PLP1: variants seen among roughly 807,000 people sequenced by gnomAD.
PLP1 encodes proteolipid protein 1.
A neutral mutation model predicts 18.5 loss-of-function variants in PLP1; 2 were observed. The observed-to-expected ratio is 0.11, with a 90% CI of 0.04 to 0.34. The LOEUF (loss-of-function observed/expected upper bound fraction) is 0.34. Ranked by LOEUF, PLP1 falls within the 10% of genes least tolerant of loss-of-function variation. The pLI, the probability that PLP1 is intolerant of heterozygous loss-of-function variation, is 1.00. For missense variants in PLP1, 105 were observed against 207.3 expected, an observed-to-expected ratio of 0.51 and a Z score of 3.03; for synonymous variants, 86 against 83.2, an observed-to-expected ratio of 1.03 and a Z score of -0.19.
In PLP1 at chrX:103,790,582, G is replaced by A; in HGVS notation, c.818G>A (p.Arg273Gln). 2 of 1,203,766 alleles carry A rather than the reference G, an allele frequency of 1.7e-6. No homozygotes were observed. The highest frequency in any genetic ancestry group is 2.3e-6 in the Non-Finnish European group (2 of 888,513). The change falls in exon 7 of 7, where the codon CGA becomes CAA. Residue 273 changes from arginine to glutamine, a missense_variant. By Grantham distance (43) the Arg-to-Gln change is conservative. Coordinates refer to ENST00000621218, the MANE Select transcript of PLP1 (RefSeq NM_000533.5). ...TTTGCCGTCCTTAAACTCATGGGCC[G>A]AGGCACCAAGTTCTGATCCCCCGTA... ...YNFAVLKLMG[R>Q]GTKF
intron 1 of PLP1, among the ~76,000 whole-genome samples, chrX:103,777,279 C>T (rs1289021870): frequency 9.0e-6 from 1 of 111,318 alleles, no homozygotes; most frequent in East Asian, 2.8e-4. Flanking sequence ...CCTCCTACCC[C>T]CTCACTTCCC....
intron 1 of PLP1, among the ~76,000 whole-genome samples, chrX:103,778,552 T>C (rs1215413859): frequency 3.6e-5 from 4 of 110,933 alleles, no homozygotes; most frequent in African/African-American, 1.3e-4. Context: ...CCTCAGGGGA[T>C]GAAATCCCTG....
intron 5 of PLP1, chrX:103,788,785 C>CA: frequency 2.7e-6 from 1 of 364,054 alleles, no homozygotes; most frequent in Non-Finnish European, 4.8e-6. Context: ...AGCCTAATGG[C>CA]AAAATCCCCC....
At chrX:103,776,565 T>C, upstream of PLP1, 1 of 152,452 alleles carries the variant, frequency 6.6e-6, no homozygotes, top group East Asian at 1.7e-4. Flanking sequence ...CAAGGATCAG[T>C]TGGAAGTTTC....
chrX:103,789,213 G>T, intron 5 of PLP1, 120 bp from the exon 6 acceptor site: 1 of 600,246 alleles, frequency 1.7e-6, no homozygotes, highest in Non-Finnish European at 2.9e-6. Context: ...CTTAGTTAGA[G>T]ATGTGGAATT....
chrX:103,785,068 T>A (rs755960945), intron 1 of PLP1, among the ~76,000 whole-genome samples: 4 of 111,685 alleles, frequency 3.6e-5, no homozygotes, highest in Non-Finnish European at 7.5e-5. Flanking sequence ...AGGATTTATT[T>A]TCTTTCTTTC....
intron 1 of PLP1, chrX:103,780,253 A>G (rs1408973551): frequency 1.8e-5 from 2 of 112,413 alleles, no homozygotes; most frequent in Non-Finnish European, 3.8e-5. Context: ...ATGGTGGGAG[A>G]CTGACCTGAG....
chrX:103,779,439 A>G (rs1170001676), intron 1 of PLP1, among the ~76,000 whole-genome samples: 1 of 112,035 alleles, frequency 8.9e-6, no homozygotes, highest in Non-Finnish European at 1.9e-5. Flanking sequence ...ACTGAGTCCC[A>G]TCAAAATGGC....
upstream of PLP1, chrX:103,776,515 C>G (rs2074412470): frequency 8.5e-6 from 1 of 118,102 alleles, no homozygotes; most frequent in Non-Finnish European, 1.7e-5. Flanking sequence ...CACTTCATGG[C>G]TTCTCACGCT....
chrX:103,789,498 A>G, intron 6 of PLP1, 100 bp downstream of exon 6: 1 of 670,259 alleles, frequency 1.5e-6, no homozygotes. Flanking sequence ...CCATCCTTGA[A>G]ATGCTGGAGG....
rs1418124682 is a variant in PLP1, at chrX:103,791,107, C to T, written c.*509C>T. ...CTGAAGATAGAAGAAAAAAGAATGT[C>T]AGAAAAACAATAAGAGCGTTTGCCC... On this transcript the variant is annotated 3_prime_UTR_variant, in exon 7 of 7. Coordinates refer to ENST00000621218, the MANE Select transcript of PLP1 (RefSeq NM_000533.5). 8.4e-6 allele frequency: 1 copy of T among 119,201 alleles called. No homozygotes were observed. The highest frequency in any genetic ancestry group is 1.8e-5 in the Non-Finnish European group (1 of 57,132). 9.8% of individuals were successfully genotyped at this position (119,201 alleles called of 1,213,427 possible).
At chrX:103,784,424 A>G (rs56980503) in intron 1 of PLP1, among the ~76,000 whole-genome samples, 4,274 of 111,622 alleles carry the variant, frequency 0.038, 178 homozygotes, top group African/African-American at 0.13. Context: ...AAACTGCCAT[A>G]CAAAGTGTCC....
chrX:103,790,412 T>G, intron 6 of PLP1, 115 bp from the exon 7 acceptor site: 1 of 614,909 alleles, frequency 1.6e-6, no homozygotes, highest in Non-Finnish European at 2.8e-6. Flanking sequence ...GAGCATGGGT[T>G]TTTCCCTTAT....
chrX:103,781,218 A>G (rs964193848), intron 1 of PLP1: 1 of 297,388 alleles, frequency 3.4e-6, no homozygotes, highest in Non-Finnish European at 6.7e-6. Flanking sequence ...AGGGCATGGG[A>G]AAGGAGGGAG....
At position 103,790,606 on chromosome X, in the gene PLP1, T is replaced by C; in HGVS notation, c.*8T>C. On this transcript the variant is annotated 3_prime_UTR_variant, in exon 7 of 7. Coordinates refer to ENST00000621218, the MANE Select transcript of PLP1 (RefSeq NM_000533.5). ...CGAGGCACCAAGTTCTGATCCCCCG[T>C]AGAAATCCCCCTTTCTCTAATAGCG... 8.5e-7 allele frequency: 1 copy of C among 1,174,010 alleles called. No homozygotes were observed. Among genetic ancestry groups the C allele is most frequent in the Non-Finnish European group, 1.2e-6 (1 of 861,192 alleles).
rs1602383789 is a variant in PLP1, at chrX:103,787,572, C to T, written c.454-226C>T. Reference sequence around the variant, plus strand: ...CTCTAACCCAGGGATCCTCCTCACTCTTCCCCTACCCATTCCCCCCACCCT... The same window carrying T: ...CTCTAACCCAGGGATCCTCCTCACTTTTCCCCTACCCATTCCCCCCACCCT... On this transcript the variant is annotated intron_variant, in intron 3 of 6. Coordinates refer to ENST00000621218, the MANE Select transcript of PLP1 (RefSeq NM_000533.5). The T allele has an allele frequency of 3.1e-5, 14 of 444,647 alleles. No individual in the cohort carries two copies. The East Asian group carries it at 5.2e-4, about 17-fold the overall frequency. The allele number at this position is 444,647 out of a possible 1,213,427, so 36.6% of individuals were successfully genotyped here.
In PLP1 at chrX:103,788,517, G is replaced by A; in HGVS notation, c.696+7G>A. ...CATCTGCAAAACAGCTGAGGTGAGT[G>A]GGTTATTTGGGTTATTTTACAAGGG... On this transcript the variant is annotated splice_region_variant and intron_variant, in intron 5 of 6. Transcript: ENST00000621218. The A allele has an allele frequency of 8.7e-7, 1 of 1,147,383 alleles. No homozygotes were observed. Among genetic ancestry groups the A allele is most frequent in the Non-Finnish European group, 1.2e-6 (1 of 837,113 alleles). 94.6% of individuals were successfully genotyped at this position (1,147,383 alleles called of 1,213,427 possible). A position where few individuals can be genotyped will look rare whatever the true frequency, so the allele number is the denominator to read the frequency against.
At chrX:103,785,894 T>G in intron 2 of PLP1, 126 bp downstream of exon 2, 1 of 750,646 alleles carries the variant, frequency 1.3e-6, no homozygotes, top group South Asian at 2.2e-5. Flanking sequence ...GATTCCCGAG[T>G]CTTCCCTCTG....
intron 1 of PLP1, among the ~76,000 whole-genome samples, chrX:103,779,310 C>T (rs1030355944): frequency 8.9e-6 from 1 of 112,282 alleles, no homozygotes; most frequent in African/African-American, 3.2e-5. Context: ...TGCCTCCATC[C>T]AAAAGTGGCT....
Sources: allele counts gnomAD v4.1 joint callset (sites outside exome capture counted in the v4.1 genomes callset), GRCh38; gene constraint gnomAD v4.1.1; transcripts MANE v1.5; gene names NCBI Gene and HGNC (gene_info 2026-07-23, HGNC 2026-07-21).